Variants in OVAAL observed in about 807,000 individuals in gnomAD.
OVAAL encodes the protein long intergenic non-protein coding RNA 1131.
intron 2 of OVAAL, among the ~76,000 whole-genome samples, chr1:180,564,856 A>T (rs1408493104): frequency 6.6e-6 from 1 of 152,170 alleles, no homozygotes; most frequent in Non-Finnish European, 1.5e-5. Context: ...AGACCAATTA[A>T]ATCGGGATCT....
chr1:180,560,833 G>A (rs761411235), intron 1 of OVAAL, among the ~76,000 whole-genome samples: 2 of 152,158 alleles, frequency 1.3e-5, no homozygotes, highest in Non-Finnish European at 2.9e-5. Flanking sequence ...AACTTACATA[G>A]TAATCAAACT....
chr1:180,566,143 G>T (rs1360978199), exon 3 of OVAAL: 1 of 152,230 alleles, frequency 6.6e-6, no homozygotes, highest in Non-Finnish European at 1.5e-5. Context: ...TGTCTATCGA[G>T]CAGATGTGCA....
intron 1 of OVAAL, among the ~76,000 whole-genome samples, chr1:180,561,798 A>C (rs902490871): frequency 6.6e-6 from 1 of 152,106 alleles, no homozygotes; most frequent in Non-Finnish European, 1.5e-5. Context: ...AGAGGCTGGC[A>C]GATAACCTGA....
exon 3 of OVAAL, chr1:180,565,743 G>A (rs1398058837): frequency 6.6e-6 from 1 of 152,094 alleles, no homozygotes; most frequent in Non-Finnish European, 1.5e-5. Flanking sequence ...GCTATATGCC[G>A]AGTATACACT....
intron 2 of OVAAL, among the ~76,000 whole-genome samples, chr1:180,562,735 G>C (rs954939890): frequency 6.6e-6 from 1 of 152,128 alleles, no homozygotes; most frequent in African/African-American, 2.4e-5. Context: ...AGAGAGGAAG[G>C]CTGGACAAAT....
At chr1:180,559,838 G>A (rs537355724) in intron 1 of OVAAL, among the ~76,000 whole-genome samples, 386 of 151,490 alleles carry the variant, frequency 2.5e-3, no homozygotes, top group African/African-American at 8.8e-3. Context: ...ACTGGGAGGC[G>A]GAGGTTGCAG....
exon 3 of OVAAL, chr1:180,565,715 C>CGGT (rs1557913465): frequency 4.6e-5 from 7 of 152,166 alleles, no homozygotes; most frequent in African/African-American, 1.7e-4. Context: ...TGAGTACCTA[C>CGGT]CATGTGCCAA....
At chr1:180,562,423 G>A (rs1476476231) in intron 2 of OVAAL, 1 of 152,220 alleles carries the variant, frequency 6.6e-6, no homozygotes, top group Non-Finnish European at 1.5e-5. Flanking sequence ...CCAGTTAAGT[G>A]ATAGGTAGGG....
chr1:180,563,384 G>A (rs906956639), intron 2 of OVAAL, among the ~76,000 whole-genome samples: 3 of 152,136 alleles, frequency 2.0e-5, no homozygotes, highest in Non-Finnish European at 4.4e-5. Context: ...GTTAACAGTG[G>A]AGAATTCGTA....
intron 1 of OVAAL, among the ~76,000 whole-genome samples, chr1:180,561,754 G>A (rs984039570): frequency 9.9e-5 from 15 of 152,088 alleles, no homozygotes; most frequent in South Asian, 2.1e-4. Flanking sequence ...CAGGTGCAGC[G>A]GCTCACGCCT....
intron 2 of OVAAL, among the ~76,000 whole-genome samples, chr1:180,562,975 A>T (rs1653233552): frequency 1.3e-5 from 2 of 152,226 alleles, no homozygotes; most frequent in Admixed American, 6.5e-5. Flanking sequence ...TTACAGGCAG[A>T]TTAAAGACAC....
chr1:180,563,764 CCG>C (rs1468470024), intron 2 of OVAAL, among the ~76,000 whole-genome samples: 1 of 152,102 alleles, frequency 6.6e-6, no homozygotes, highest in Non-Finnish European at 1.5e-5. Context: ...CAGTTAAACT[CCG>C]CCATTTTGCC....
In OVAAL at chr1:180,561,718, A is replaced by G. The variant is rs191758252; in HGVS notation, n.373-486A>G. ...GTATGGTCATAATAATTTTAATTTT[A>G]TTTTTTTTTTAATTAGAGTTCTGGC... On this transcript the variant is annotated intron_variant and non_coding_transcript_variant, in intron 1 of 2. Coordinates refer to ENST00000673955, the Ensembl canonical transcript of OVAAL. 1.7e-3 allele frequency among the ~76,000 whole-genome samples: 262 copies of G among 150,808 alleles called. 1 individual carries two copies. The highest frequency in any genetic ancestry group is 6.3e-3 in the African/African-American group (259 of 41,116).
At chr1:180,560,409 G>C (rs185473319) in intron 1 of OVAAL, among the ~76,000 whole-genome samples, 1 of 151,094 alleles carries the variant, frequency 6.6e-6, no homozygotes, top group South Asian at 2.1e-4. Context: ...AGGAATGCGA[G>C]GTCATAGAAC....
At chr1:180,560,285 G>C (rs1185936906) in intron 1 of OVAAL, among the ~76,000 whole-genome samples, 2 of 152,070 alleles carry the variant, frequency 1.3e-5, no homozygotes. Context: ...AGGTGATATC[G>C]AGGAGTTCAG....
chr1:180,559,625 C>T (rs554709573), intron 1 of OVAAL, among the ~76,000 whole-genome samples: 86 of 152,076 alleles, frequency 5.7e-4, no homozygotes, highest in Non-Finnish European at 1.1e-3. Flanking sequence ...AAGAAAAACC[C>T]GGCCGGGCAC....
chr1:180,563,655 G>A (rs944413468), intron 2 of OVAAL, among the ~76,000 whole-genome samples: 1 of 152,196 alleles, frequency 6.6e-6, no homozygotes, highest in Non-Finnish European at 1.5e-5. Flanking sequence ...GCTAGCACTT[G>A]GGAGGTGAGC....
exon 3 of OVAAL, chr1:180,565,697 T>C (rs993871785): frequency 6.6e-6 from 1 of 152,204 alleles, no homozygotes; most frequent in Non-Finnish European, 1.5e-5. Context: ...TTTGCTTTAC[T>C]CATCCACTGA....
exon 3 of OVAAL, chr1:180,565,645 C>T (rs1653277152): frequency 1.3e-5 from 2 of 152,112 alleles, no homozygotes; most frequent in Admixed American, 1.3e-4. Context: ...AAACTCTGGA[C>T]AATGACCAGC....
Sources: allele counts gnomAD v4.1 joint callset (sites outside exome capture counted in the v4.1 genomes callset), GRCh38; gene constraint gnomAD v4.1.1; transcripts MANE v1.5; gene names NCBI Gene and HGNC (gene_info 2026-07-23, HGNC 2026-07-21).